The following DDX43 variants were observed in gnomAD, a reference collection of about 807,000 sequenced individuals.
DDX43 encodes probable ATP-dependent RNA helicase DDX43.
Under a neutral mutation model 84.9 loss-of-function variants are expected in DDX43, and 50 were observed. The observed-to-expected ratio is 0.59, with a 90% CI of 0.47 to 0.75. The LOEUF is 0.75. Ranked by LOEUF, DDX43 falls within the 30% of genes least tolerant of loss-of-function variation. The probability of loss-of-function intolerance (pLI) is 0.00; values close to 1 mark genes in which losing one functional copy is unlikely to be tolerated. For synonymous variants in DDX43, 291 were observed against 266.3 expected, an observed-to-expected ratio of 1.09 and a Z score of -0.90; for missense variants, 689 against 798.6, an observed-to-expected ratio of 0.86 and a Z score of 1.65.
intron 9 of DDX43, among the ~76,000 whole-genome samples, chr6:73,408,590 CTT>C (rs1051707174): frequency 6.6e-5 from 10 of 151,666 alleles, no homozygotes; most frequent in South Asian, 2.1e-4. Context: ...CAGTTTTGCT[CTT>C]GTTGCCCAGG....
rs756132363 is a variant in DDX43 at position 73,414,059 on chromosome 6, C to G, written c.1586C>G (p.Ala529Gly). 1 of 1,598,822 alleles carries G rather than the reference C, an allele frequency of 6.3e-7. No individual in the cohort carries two copies. The highest frequency in any genetic ancestry group is 1.1e-5 in the South Asian group (1 of 90,724). ...AGAGAACAGAGAGATCGGGAGAAAG[C>G]ATTAGAGAACTTTAAAACAGGTATG... Reference protein sequence around the residue: ...GDREQRDREKALENFKTGKVR... With the variant: ...GDREQRDREKGLENFKTGKVR... Residue 529 changes from alanine (A) to glycine (G), a missense_variant, in exon 13 of 17, where the codon GCA becomes GGA. Around this residue, in one of 2 missense-constraint regions of DDX43, gnomAD observed 552 missense variants for 692.7 expected, o/e 0.80. Transcript: ENST00000370336.
intron 12 of DDX43, 67 bp downstream of exon 12, chr6:73,413,852 A>G: frequency 6.4e-7 from 1 of 1,551,550 alleles, no homozygotes. Flanking sequence ...CTATTTGTAT[A>G]CTAATTCCAA....
chr6:73,406,675 GTAATA>G (rs1275476734), intron 7 of DDX43, among the ~76,000 whole-genome samples, 193 bp downstream of exon 7: 1 of 152,168 alleles, frequency 6.6e-6, no homozygotes, highest in Non-Finnish European at 1.5e-5. Context: ...GAGGCAATAG[GTAATA>G]TCTACCAAAA....
At chr6:73,407,733 C>G in intron 8 of DDX43, 118 bp downstream of exon 8, 1 of 844,848 alleles carries the variant, frequency 1.2e-6, no homozygotes, top group Non-Finnish European at 1.9e-6. Flanking sequence ...CAGCATGGGT[C>G]AGGCATTTAG....
At position 73,405,741 on chromosome 6, in the gene DDX43, A is replaced by G. The variant is rs768772296; in HGVS notation, c.713A>G (p.Asn238Ser). The G allele has an allele frequency of 3.7e-6, 6 of 1,614,160 alleles. No homozygotes were observed. Among genetic ancestry groups the G allele is most frequent in the African/African-American group, 2.7e-5 (2 of 75,056 alleles). Residue 238 changes from asparagine (N) to serine (S), a missense_variant, in exon 6 of 17, where the codon AAT (asparagine) becomes AGT (serine). Coordinates refer to ENST00000370336, the MANE Select transcript of DDX43 (RefSeq NM_018665.3). ...LKDGEKRPIPNPTCTFDDAFQ... is the reference protein window; with the variant it reads ...LKDGEKRPIPSPTCTFDDAFQ... The stretch of plus-strand genomic sequence containing the variant: ...GATGGGGAGAAACGACCTATCCCCA[A>G]TCCTACCTGCACATTTGATGACGCC...
At chr6:73,402,280 A>T (rs1459788178) in intron 4 of DDX43, among the ~76,000 whole-genome samples, 1 of 152,192 alleles carries the variant, frequency 6.6e-6, no homozygotes, top group Non-Finnish European at 1.5e-5. Flanking sequence ...GGGAGTAAAC[A>T]TGCAAACCAT....
chr6:73,406,980 T>C (rs1242104339), intron 7 of DDX43: 1 of 154,102 alleles, frequency 6.5e-6, no homozygotes, highest in Non-Finnish European at 1.4e-5. Flanking sequence ...GAATTTGGCA[T>C]ATTCTGTGTA....
At chr6:73,396,493 GA>G (rs1769475084) in intron 1 of DDX43, among the ~76,000 whole-genome samples, 2 of 152,136 alleles carry the variant, frequency 1.3e-5, no homozygotes, top group African/African-American at 4.8e-5. Flanking sequence ...GATGCTCCAA[GA>G]AAGAAAGCCA....
chr6:73,415,471 A>G, intron 14 of DDX43, 26 bp from the exon 15 acceptor site: 1 of 1,516,168 alleles, frequency 6.6e-7, no homozygotes, highest in Non-Finnish European at 9.1e-7. Context: ...TAATGAATAC[A>G]TGAGTTTTTT....
At chr6:73,411,458 A>C (rs1769783703) in intron 10 of DDX43, among the ~76,000 whole-genome samples, 1 of 150,872 alleles carries the variant, frequency 6.6e-6, no homozygotes, top group Non-Finnish European at 1.5e-5. Flanking sequence ...CCTCCCGAGT[A>C]GCTGGGATTA....
At position 73,403,892 on chromosome 6, in the gene DDX43, A is replaced by G. The variant is rs184078943; in HGVS notation, c.569-798A>G. On this transcript the variant is annotated intron_variant, in intron 4 of 16. Coordinates refer to ENST00000370336, the MANE Select transcript of DDX43 (RefSeq NM_018665.3). ...GAGTGCAGTGGCGCAATCTTGGCAC[A>G]CTGCAACCTCTGCCTCCTGGGTTCA... Among the ~76,000 whole-genome samples the G allele has an allele frequency of 5.2e-3, 776 of 150,314 alleles. 6 individuals are homozygous for G. Among genetic ancestry groups the G allele is most frequent in the Middle Eastern group, 0.01 (3 of 294 alleles).
At chr6:73,410,235 C>A (rs1049114633) in intron 10 of DDX43, among the ~76,000 whole-genome samples, 1 of 152,168 alleles carries the variant, frequency 6.6e-6, no homozygotes, top group African/African-American at 2.4e-5. Context: ...AGCGCGATCT[C>A]GGCTAACTGC....
At chr6:73,416,704 G>T (rs1250485975) in intron 16 of DDX43, among the ~76,000 whole-genome samples, 1 of 152,174 alleles carries the variant, frequency 6.6e-6, no homozygotes, top group Non-Finnish European at 1.5e-5. Flanking sequence ...TTGGAAAGTG[G>T]GTAGGGGGAA....
intron 1 of DDX43, among the ~76,000 whole-genome samples, chr6:73,395,644 T>C (rs1282654652): frequency 1.3e-5 from 2 of 151,182 alleles, no homozygotes; most frequent in South Asian, 2.1e-4. Context: ...AGTAATTTAA[T>C]CCACCTTTTG....
chr6:73,401,719 G>A (rs1769573334), intron 3 of DDX43, 140 bp from the exon 4 acceptor site: 9 of 722,282 alleles, frequency 1.2e-5, no homozygotes, highest in South Asian at 2.1e-5. Flanking sequence ...AGAGAATGGC[G>A]GGAACCCGGG....
At chr6:73,403,766 C>T (rs1769620565) in intron 4 of DDX43, among the ~76,000 whole-genome samples, 1 of 151,962 alleles carries the variant, frequency 6.6e-6, no homozygotes, top group South Asian at 2.1e-4. Flanking sequence ...CCTCCCACCT[C>T]AGCCTCTCAA....
At chr6:73,415,974 A>G (rs1443691743) in intron 15 of DDX43, 139 bp from the exon 16 acceptor site, 7 of 604,146 alleles carry the variant, frequency 1.2e-5, no homozygotes, top group Non-Finnish European at 2.1e-5. Flanking sequence ...AGATGGATGT[A>G]GGGTTTAATC....
chr6:73,414,738 C>T, intron 14 of DDX43, 52 bp downstream of exon 14: 2 of 1,518,366 alleles, frequency 1.3e-6, no homozygotes, highest in Non-Finnish European at 1.8e-6. Flanking sequence ...TCTCCTTATT[C>T]CTCTCACAAA....
intron 10 of DDX43, among the ~76,000 whole-genome samples, chr6:73,412,004 C>G (rs1450031238): frequency 6.6e-6 from 1 of 152,178 alleles, no homozygotes; most frequent in Non-Finnish European, 1.5e-5. Context: ...AGCCAAAAAC[C>G]TATTTATTAA....
Sources: gnomAD v4.1 joint callset for allele counts (sites outside exome capture counted in the v4.1 genomes callset) on GRCh38, gnomAD v4.1.1 for gene constraint, gnomAD v4.1.1 regional missense constraint, MANE v1.5 for transcripts, NCBI Gene and HGNC (gene_info 2026-07-23, HGNC 2026-07-21) for gene names.